DUSP3: variants seen among roughly 807,000 people sequenced by gnomAD.
DUSP3 encodes the protein dual specificity protein phosphatase 3.
Under a neutral mutation model 15.5 loss-of-function variants are expected in DUSP3, and 7 were observed. The ratio of observed to expected loss-of-function variants is 0.45; its 90% CI spans 0.26 to 0.85. DUSP3 has a LOEUF of 0.85. Ranked by LOEUF, DUSP3 falls within the 40% of genes least tolerant of loss-of-function variation. The pLI is 0.18. For synonymous variants in DUSP3, 86 were observed against 104.2 expected, an observed-to-expected ratio of 0.83 and a Z score of 1.07; for missense variants, 209 against 251.7, an observed-to-expected ratio of 0.83 and a Z score of 1.15.
chr17:43,772,460 C>T (rs577239049), intron 2 of DUSP3, among the ~76,000 whole-genome samples: 2 of 152,150 alleles, frequency 1.3e-5, no homozygotes, highest in Non-Finnish European at 2.9e-5. Flanking sequence ...TTCCTCTAGG[C>T]TCAGCCCAGA....
chr17:43,778,941 T>G lies in DUSP3; in HGVS notation c.-17A>C. 7.0e-7 allele frequency: 1 copy of G among 1,427,302 alleles called. No homozygotes were observed. Among genetic ancestry groups the G allele is most frequent in the Non-Finnish European group, 9.2e-7 (1 of 1,084,732 alleles). The allele number at this position is 1,427,302 out of a possible 1,614,324, so 88.4% of individuals were successfully genotyped here. A position where few individuals can be genotyped will look rare whatever the true frequency, so the allele number is the denominator to read the frequency against. On this transcript the variant is annotated 5_prime_UTR_variant, in exon 1 of 3. Transcript: ENST00000226004. ...GCCCGACATGGCGGCGGCGGGGCCCTGCACGCCCGGCAGGAGCAAGCGAGG... is the reference window on the plus strand; with the variant it reads ...GCCCGACATGGCGGCGGCGGGGCCCGGCACGCCCGGCAGGAGCAAGCGAGG...
Position 43,768,788 on chromosome 17 carries a change from C to A in DUSP3, c.*821G>T, listed in dbSNP as rs1257873706. 1 of 151,682 alleles carries A rather than the reference C, an allele frequency of 6.6e-6. No homozygotes were observed. The highest frequency in any genetic ancestry group is 1.5e-5 in the Non-Finnish European group (1 of 67,960). The allele number at this position is 151,682 out of a possible 1,614,324, so 9.4% of individuals were successfully genotyped here. A position where few individuals can be genotyped will look rare whatever the true frequency, so the allele number is the denominator to read the frequency against. On this transcript the variant is annotated 3_prime_UTR_variant, in exon 3 of 3. Transcript: ENST00000226004. The stretch of plus-strand genomic sequence containing the variant: ...TTTTAAATAGGTTGGACTTCAACTC[C>A]CTGTTTTCTAAAAAAGAAAAAAAAA...
chr17:43,769,273 T>C lies in DUSP3; in HGVS notation c.*336A>G, dbSNP rs537718217. 8 of 307,314 alleles carry C rather than the reference T, an allele frequency of 2.6e-5. No homozygotes were observed. Among genetic ancestry groups the C allele is most frequent in the South Asian group, 1.9e-4 (5 of 26,622 alleles). 19.0% of individuals were successfully genotyped at this position (307,314 alleles called of 1,614,324 possible). A position where few individuals can be genotyped will look rare whatever the true frequency, so the allele number is the denominator to read the frequency against. On this transcript the variant is annotated 3_prime_UTR_variant, in exon 3 of 3. Transcript: ENST00000226004. ...AGGTCATGAGGGACCTCTGTGAGCA[T>C]CTTAGGCCTTACACTTCCACACACC...
intron 2 of DUSP3, among the ~76,000 whole-genome samples, chr17:43,772,966 A>G (rs1216249179): frequency 6.6e-6 from 1 of 152,232 alleles, no homozygotes; most frequent in African/African-American, 2.4e-5. Context: ...TCCCTGAATG[A>G]ATAACCAATT....
At chr17:43,773,541 G>A (rs778279154) in intron 2 of DUSP3, among the ~76,000 whole-genome samples, 1 of 152,194 alleles carries the variant, frequency 6.6e-6, no homozygotes, top group African/African-American at 2.4e-5. Flanking sequence ...ATTTGGCCAG[G>A]GGGGCTGTGG....
chr17:43,770,817 G>A (rs1357273830), intron 2 of DUSP3, among the ~76,000 whole-genome samples: 1 of 151,476 alleles, frequency 6.6e-6, no homozygotes, highest in Admixed American at 6.6e-5. Context: ...GGAGTGCAGT[G>A]GCGCGATCTC....
chr17:43,776,485 CAT>C (rs1464804032), intron 1 of DUSP3, among the ~76,000 whole-genome samples: 1 of 152,246 alleles, frequency 6.6e-6, no homozygotes, highest in Non-Finnish European at 1.5e-5. Flanking sequence ...AGGCCTGGCA[CAT>C]GTGGCTCACA....
chr17:43,770,069 G>C (rs140553030), intron 2 of DUSP3, among the ~76,000 whole-genome samples: 7 of 152,264 alleles, frequency 4.6e-5, no homozygotes, highest in Non-Finnish European at 1.0e-4. Context: ...CGGCACGGCG[G>C]TATCTCCTCA....
rs926334943 is a variant in DUSP3, at chr17:43,767,812, C to A, written c.*1797G>T. ...GGGCTGCTGTGGTCACAGAGAAAAGCGGACAGCAAATGACCAGGCTGGGCA... is the reference window on the plus strand; with the variant it reads ...GGGCTGCTGTGGTCACAGAGAAAAGAGGACAGCAAATGACCAGGCTGGGCA... On this transcript the variant is annotated 3_prime_UTR_variant, in exon 3 of 3. Coordinates refer to ENST00000226004, the MANE Select transcript of DUSP3 (RefSeq NM_004090.4). 2 of 152,146 alleles carry A rather than the reference C, an allele frequency of 1.3e-5. No homozygotes were observed. Among genetic ancestry groups the A allele is most frequent in the Non-Finnish European group, 2.9e-5 (2 of 68,052 alleles). 9.4% of individuals were successfully genotyped at this position (152,146 alleles called of 1,614,324 possible).
chr17:43,775,845 G>A (rs1350915066), intron 1 of DUSP3, among the ~76,000 whole-genome samples: 3 of 152,170 alleles, frequency 2.0e-5, no homozygotes, highest in Non-Finnish European at 4.4e-5. Flanking sequence ...CGGGTGCAGT[G>A]GCTCACACCT....
At chr17:43,777,869 G>C (rs1411060913) in intron 1 of DUSP3, 1 of 189,164 alleles carries the variant, frequency 5.3e-6, no homozygotes, top group Non-Finnish European at 1.1e-5. Context: ...TCCGGGTGCG[G>C]TGGCTCACGC....
Position 43,774,911 on chromosome 17 carries a change from C to A in DUSP3, c.153G>T (p.Leu51=). ...NASVAQDIPK[L]QKLGITHVLN... ...GCACATGGGTGATGCCTAGTTTCTG[C>A]AGCTTGGGGATGTCCTGAGCCACAG... The change falls in exon 2 of 3, where the codon CTG becomes CTT. Residue 51 remains leucine, a synonymous_variant. Coordinates refer to ENST00000226004, the MANE Select transcript of DUSP3 (RefSeq NM_004090.4). The A allele has an allele frequency of 6.2e-7, 1 of 1,614,186 alleles. No homozygotes were observed. The highest frequency in any genetic ancestry group is 8.5e-7 in the Non-Finnish European group (1 of 1,180,028).
At chr17:43,770,254 A>G (rs1198125328) in intron 2 of DUSP3, among the ~76,000 whole-genome samples, 1 of 152,232 alleles carries the variant, frequency 6.6e-6, no homozygotes, top group East Asian at 1.9e-4. Flanking sequence ...GGACAAATAC[A>G]AAGAATGACC....
At chr17:43,778,750 C>A in intron 1 of DUSP3, 50 bp downstream of exon 1, 1 of 1,460,712 alleles carries the variant, frequency 6.8e-7, no homozygotes, top group South Asian at 1.3e-5. Context: ...CTCGGGTGGG[C>A]GGGGCGTCCC....
rs755903255 is a variant in DUSP3 at position 43,769,644 on chromosome 17, C to T, written c.523G>A (p.Asp175Asn). The T allele has an allele frequency of 6.2e-7, 1 of 1,612,780 alleles. No homozygotes were observed. The highest frequency in any genetic ancestry group is 1.1e-5 in the South Asian group (1 of 91,016). The change falls in exon 3 of 3, where the codon GAC becomes AAC. Residue 175 changes from aspartate (D) to asparagine (N), a missense_variant. Coordinates refer to ENST00000226004, the MANE Select transcript of DUSP3 (RefSeq NM_004090.4). ...AACTTCCCCTCCTTGGCTAGTCTGT[C>T]ATTGAGCTGGCAGAGCTGGGCCAGG... ...GFLAQLCQLN[D>N]RLAKEGKLKP
chr17:43,774,767 G>T lies in DUSP3; in HGVS notation c.297C>A (p.Ser99Arg). The T allele has an allele frequency of 6.2e-7, 1 of 1,614,152 alleles. No homozygotes were observed. The highest frequency in any genetic ancestry group is 8.5e-7 in the Non-Finnish European group (1 of 1,180,024). ...KANDTQEFNL[S>R]AYFERAADFI... ...AGTCGGCAGCCCTTTCAAAGTAAGC[G>T]CTGAGGTTGAACTCCTGTGTGTCGT... The change falls in exon 2 of 3, where the codon AGC (serine) becomes AGA (arginine). Residue 99 changes from serine to arginine, a missense_variant. Coordinates refer to ENST00000226004, the MANE Select transcript of DUSP3 (RefSeq NM_004090.4).
At chr17:43,773,052 C>T (rs1052239550) in intron 2 of DUSP3, among the ~76,000 whole-genome samples, 1 of 152,200 alleles carries the variant, frequency 6.6e-6, no homozygotes, top group African/African-American at 2.4e-5. Context: ...CTCAGTACAG[C>T]TGGAGTGGAG....
rs549763877 is a variant in DUSP3, at chr17:43,769,771, T to C, written c.396A>G (p.Pro132=). The C allele has an allele frequency of 4.3e-6, 7 of 1,614,082 alleles. No individual in the cohort carries two copies. The South Asian group carries it at 7.7e-5, about 18-fold the overall frequency. Residue 132 remains proline (P), a synonymous_variant, in exon 3 of 3, where the codon CCA becomes CCG. Transcript: ENST00000226004. ...VHCREGYSRS[P]TLVIAYLMMR... is the part of the protein sequence containing the mutation. ...TCATGAGGTAGGCGATAACTAGCGT[T>C]GGGGAGCGGCTATAACCTTCCCGGC...
chr17:43,769,386 G>C lies in DUSP3; in HGVS notation c.*223C>G, dbSNP rs1437244006. 1 of 543,768 alleles carries C rather than the reference G, an allele frequency of 1.8e-6. No homozygotes were observed. Among genetic ancestry groups the C allele is most frequent in the Non-Finnish European group, 3.2e-6 (1 of 310,604 alleles). The allele number at this position is 543,768 out of a possible 1,614,324, so 33.7% of individuals were successfully genotyped here. A position where few individuals can be genotyped will look rare whatever the true frequency, so the allele number is the denominator to read the frequency against. Reference sequence around the variant, plus strand: ...CAGGGAAAAGACATCATAAGTTACAGAAACAGGACAACTGGGGAGCAAGGA... The same window carrying C: ...CAGGGAAAAGACATCATAAGTTACACAAACAGGACAACTGGGGAGCAAGGA... On this transcript the variant is annotated 3_prime_UTR_variant, in exon 3 of 3. Transcript: ENST00000226004.
Sources: allele counts gnomAD v4.1 joint callset (sites outside exome capture counted in the v4.1 genomes callset), GRCh38; gene constraint gnomAD v4.1.1; transcripts MANE v1.5; gene names NCBI Gene and HGNC (gene_info 2026-07-23, HGNC 2026-07-21).